NOP58: variants seen among roughly 807,000 people sequenced by gnomAD.
NOP58 encodes the protein NOP58 ribonucleoprotein.
Under a neutral mutation model 71.2 loss-of-function variants are expected in NOP58, and 44 were observed. The ratio of observed to expected loss-of-function variants is 0.62; its 90% CI spans 0.49 to 0.79. NOP58 has a LOEUF of 0.79. Among genes scored for constraint, NOP58 ranks in the 30% least tolerant of loss-of-function variants. The pLI is 0.00. For missense variants in NOP58, 538 were observed against 620.2 expected, an observed-to-expected ratio of 0.87 and a Z score of 1.41; for synonymous variants, 228 against 200.3, an observed-to-expected ratio of 1.14 and a Z score of -1.17.
chr2:202,292,120 A>T (rs1688913364), intron 8 of NOP58, among the ~76,000 whole-genome samples: 1 of 150,076 alleles, frequency 6.7e-6, no homozygotes, highest in Non-Finnish European at 1.5e-5. Context: ...CAGCCTCCCG[A>T]GTAGCTGGGA....
chr2:202,267,350 C>G (rs1460723019), intron 1 of NOP58, among the ~76,000 whole-genome samples: 1 of 152,078 alleles, frequency 6.6e-6, no homozygotes, highest in Non-Finnish European at 1.5e-5. Flanking sequence ...TCACTTCTGA[C>G]ATTTGAAAAT....
rs751629825 is a variant in NOP58, at chr2:202,290,356, A to G, written c.533A>G (p.Asn178Ser). 2 of 1,607,324 alleles carry G rather than the reference A, an allele frequency of 1.2e-6. No individual in the cohort carries two copies. The highest frequency in any genetic ancestry group is 1.3e-5 in the African/African-American group (1 of 74,736). The change falls in exon 7 of 15, where the codon AAC (asparagine) becomes AGC (serine). Residue 178 changes from asparagine (N) to serine (S), a missense_variant. By Grantham distance (46) the Asn-to-Ser change is conservative. Coordinates refer to ENST00000264279, the MANE Select transcript of NOP58 (RefSeq NM_015934.5). ...GATGACTTGGATAAAGAACTAAACA[A>G]CTACATTATGCGATGTAGAGAATGG... ...LLDDLDKELN[N>S]YIMRCREWYG...
At chr2:202,300,486 A>C in intron 13 of NOP58, 119 bp downstream of exon 13, 1 of 754,448 alleles carries the variant, frequency 1.3e-6, no homozygotes, top group Non-Finnish European at 2.1e-6. Flanking sequence ...TTGAACGCTA[A>C]TGGTGTTTTA....
intron 10 of NOP58, among the ~76,000 whole-genome samples, chr2:202,296,538 A>C (rs965634110): frequency 6.6e-6 from 1 of 152,132 alleles, no homozygotes. Flanking sequence ...AGGTATCTCT[A>C]TCTTGCAGAT....
chr2:202,300,272 T>C lies in NOP58; in HGVS notation c.1307T>C (p.Leu436Pro). 2 of 1,601,788 alleles carry C rather than the reference T, an allele frequency of 1.2e-6. No homozygotes were observed. Among genetic ancestry groups the C allele is most frequent in the Non-Finnish European group, 1.7e-6 (2 of 1,177,486 alleles). ...TACGATCCTTCTGGTGACTCCACAC[T>C]TCCAACCTGTTCTAAAAAACGCAAA... is the stretch of plus-strand genomic sequence containing the variant. Reference protein sequence around the residue: ...KTYDPSGDSTLPTCSKKRKIE... With the variant: ...KTYDPSGDSTPPTCSKKRKIE... Residue 436 changes from leucine (L) to proline (P), a missense_variant, in exon 13 of 15, where the codon CTT (leucine) becomes CCT (proline). Transcript: ENST00000264279.
intron 5 of NOP58, among the ~76,000 whole-genome samples, chr2:202,286,104 C>T (rs1688780850): frequency 6.7e-6 from 1 of 148,362 alleles, no homozygotes; most frequent in South Asian, 2.1e-4. Flanking sequence ...ATGGCGTGAA[C>T]CCGGGAGGCA....
intron 1 of NOP58, among the ~76,000 whole-genome samples, chr2:202,274,400 A>ATTTTT (rs1173477305): frequency 1.3e-3 from 135 of 104,638 alleles, no homozygotes; most frequent in African/African-American, 3.7e-3. Context: ...CTAATTTTGT[A>ATTTTT]TTTTTTTTTT....
At position 202,278,112 on chromosome 2, in the gene NOP58, A is replaced by T. The variant is rs563521774; in HGVS notation, c.175+110A>T. 1.2e-5 allele frequency: 9 copies of T among 775,908 alleles called. No individual in the cohort carries two copies. In the African/African-American group the frequency reaches 1.5e-4, roughly 13 times the overall value. The allele number at this position is 775,908 out of a possible 1,614,324, so 48.1% of individuals were successfully genotyped here. A position where few individuals can be genotyped will look rare whatever the true frequency, so the allele number is the denominator to read the frequency against. On this transcript the variant is annotated intron_variant, in intron 3 of 14. Transcript: ENST00000264279. ...CAGTTGCCTGTGTTAACCTTATTCA[A>T]TGTTGTCAATGATGCATTCTTATTG...
chr2:202,286,051 G>A (rs1056979671), intron 5 of NOP58, among the ~76,000 whole-genome samples: 2 of 151,660 alleles, frequency 1.3e-5, no homozygotes, highest in South Asian at 2.1e-4. Context: ...GCACAGTGGC[G>A]GGCGCCTGTA....
At chr2:202,287,886 G>A (rs1298503306) in intron 6 of NOP58, among the ~76,000 whole-genome samples, 162 bp downstream of exon 6, 1 of 152,066 alleles carries the variant, frequency 6.6e-6, no homozygotes, top group Non-Finnish European at 1.5e-5. Flanking sequence ...TGAGGCAGGC[G>A]GATCACCTGA....
chr2:202,295,321 C>A (rs1688972276), intron 9 of NOP58, among the ~76,000 whole-genome samples: 1 of 152,160 alleles, frequency 6.6e-6, no homozygotes, highest in African/African-American at 2.4e-5. Flanking sequence ...TTGATACAAT[C>A]TCAGAAAGCA....
At chr2:202,285,341 ATTTT>A (rs932875625) in intron 5 of NOP58, among the ~76,000 whole-genome samples, 35 of 81,246 alleles carry the variant, frequency 4.3e-4, no homozygotes, top group Non-Finnish European at 6.6e-4. Context: ...CACACCCGGC[ATTTT>A]TTTTTTTTTT....
Position 202,287,647 on chromosome 2 carries a change from C to T in NOP58, c.435-13C>T, listed in dbSNP as rs781569407. 2 of 1,603,884 alleles carry T rather than the reference C, an allele frequency of 1.2e-6. No homozygotes were observed. The highest frequency in any genetic ancestry group is 3.3e-5 in the Admixed American group (2 of 59,896). The stretch of plus-strand genomic sequence containing the variant: ...ATGCTATCTTGCTAATTTATTTTCC[C>T]CTTTCTTCCCAGCCTGTCTCGATAT... On this transcript the variant is annotated splice_polypyrimidine_tract_variant and intron_variant, in intron 5 of 14. Transcript: ENST00000264279.
At chr2:202,275,271 A>G in intron 2 of NOP58, 82 bp downstream of exon 2, 1 of 702,034 alleles carries the variant, frequency 1.4e-6, no homozygotes, top group Non-Finnish European at 2.4e-6. Flanking sequence ...GATTTATATA[A>G]TGTTACATTC....
At chr2:202,287,345 C>T (rs190917874) in intron 5 of NOP58, among the ~76,000 whole-genome samples, 3 of 152,216 alleles carry the variant, frequency 2.0e-5, no homozygotes, top group East Asian at 1.9e-4. Flanking sequence ...GGATTACAAG[C>T]GTGAGCCACC....
chr2:202,276,210 T>C (rs1016328236), intron 2 of NOP58, among the ~76,000 whole-genome samples: 1 of 151,786 alleles, frequency 6.6e-6, no homozygotes, highest in African/African-American at 2.4e-5. Flanking sequence ...TGGTGGCACA[T>C]GCCTGTAATC....
intron 4 of NOP58, among the ~76,000 whole-genome samples, chr2:202,283,633 G>A (rs973626483): frequency 1.3e-5 from 2 of 150,836 alleles, no homozygotes; most frequent in Non-Finnish European, 2.9e-5. Context: ...TAGAGACGGG[G>A]TTTCATCATG....
intron 2 of NOP58, among the ~76,000 whole-genome samples, chr2:202,277,286 C>CA (rs1688617177): frequency 6.8e-6 from 1 of 147,844 alleles, no homozygotes; most frequent in Non-Finnish European, 1.5e-5. Flanking sequence ...GCCTGGGCGA[C>CA]AGAGTGAGAC....
In NOP58 at chr2:202,265,975, G is replaced by T; in HGVS notation, c.34G>T (p.Ala12Ser). Residue 12 changes from alanine to serine, a missense_variant, in exon 1 of 15, where the codon GCC becomes TCC. Transcript: ENST00000264279. Reference sequence around the variant, plus strand: ...GCTGTTTGAAACGTCTGTGGGTTACGCCATCTTTAAGGTAGGTGGGAGAGC... The same window carrying T: ...GCTGTTTGAAACGTCTGTGGGTTACTCCATCTTTAAGGTAGGTGGGAGAGC... The part of the protein sequence containing the change: ...LVLFETSVGY[A>S]IFKVLNEKKL... The T allele has an allele frequency of 6.2e-7, 1 of 1,614,148 alleles. No homozygotes were observed. Among genetic ancestry groups the T allele is most frequent in the Non-Finnish European group, 8.5e-7 (1 of 1,180,000 alleles).
Sources: gnomAD v4.1 joint callset for allele counts (sites outside exome capture counted in the v4.1 genomes callset) on GRCh38, gnomAD v4.1.1 for gene constraint, MANE v1.5 for transcripts, NCBI Gene and HGNC (gene_info 2026-07-23, HGNC 2026-07-21) for gene names.